The following STS variants were observed in gnomAD, a reference collection of about 807,000 sequenced individuals.
The protein encoded by STS is steroid sulfatase.
Under a neutral mutation model 26.8 loss-of-function variants are expected in STS, and 7 were observed. The observed-to-expected ratio is 0.26, with a 90% CI of 0.15 to 0.49. The LOEUF (loss-of-function observed/expected upper bound fraction) is 0.49. STS is among the 20% of genes least tolerant of loss of function. The pLI, the probability that STS is intolerant of heterozygous loss-of-function variation, is 0.98. For synonymous variants in STS, 199 were observed against 189.4 expected (o/e 1.05, Z -0.42); for missense variants, 434 against 465.6 (o/e 0.93, Z 0.63).
At chrX:7,266,759 G>A (rs768759770) in intron 6 of STS, among the ~76,000 whole-genome samples, 7 of 111,794 alleles carry the variant, frequency 6.3e-5, no homozygotes, top group Non-Finnish European at 1.1e-4. Flanking sequence ...CACAGCTTTC[G>A]GTTTTGCCAT....
At chrX:7,211,520 C>T (rs764999289) in intron 2 of STS, among the ~76,000 whole-genome samples, 93 of 112,062 alleles carry the variant, frequency 8.3e-4, no homozygotes, top group Middle Eastern at 4.6e-3. Flanking sequence ...CAGTTGGTGT[C>T]CAGCATCTCT....
At chrX:7,253,413 A>G in intron 3 of STS, 77 bp downstream of exon 3, 1 of 1,161,868 alleles carries the variant, frequency 8.6e-7, no homozygotes, top group Non-Finnish European at 1.2e-6. Context: ...TTGTTGATCT[A>G]CAGAGCACAG....
intron 2 of STS, among the ~76,000 whole-genome samples, chrX:7,222,191 T>C (rs1424962312): frequency 8.9e-6 from 1 of 111,982 alleles, no homozygotes; most frequent in African/African-American, 3.2e-5. Context: ...CTGTGAGCAA[T>C]ATATTTCTGT....
rs186365950 is a variant in STS at position 7,323,763 on chromosome X, G to A, written c.1082-1576G>A. On this transcript the variant is annotated intron_variant, in intron 8 of 10. Transcript: ENST00000674429. ...AATTAAATGGGTCCTCAAGGTGTTGGCAGGGCTATGTTTCTTGCTGAAAGC... is the reference window on the plus strand; with the variant it reads ...AATTAAATGGGTCCTCAAGGTGTTGACAGGGCTATGTTTCTTGCTGAAAGC... Among the ~76,000 whole-genome samples, 22 of 111,667 alleles carry A rather than the reference G, an allele frequency of 2.0e-4. No individual in the cohort carries two copies. In the East Asian group the frequency reaches 6.2e-3, roughly 32 times the overall value.
chrX:7,234,018 G>T (rs1229819983), intron 2 of STS, among the ~76,000 whole-genome samples: 1 of 111,856 alleles, frequency 8.9e-6, no homozygotes, highest in Non-Finnish European at 1.9e-5. Context: ...CAAATCCCTT[G>T]CTTTTTCTTC....
chrX:7,294,732 C>T (rs1411729476), intron 7 of STS, among the ~76,000 whole-genome samples: 2 of 111,651 alleles, frequency 1.8e-5, no homozygotes, highest in Non-Finnish European at 1.9e-5. Context: ...TGCCCAACAG[C>T]CACTACACTA....
At chrX:7,320,042 ATTATATATAT>A (rs1273407840) in intron 8 of STS, among the ~76,000 whole-genome samples, 3 of 92,819 alleles carry the variant, frequency 3.2e-5, no homozygotes, top group African/African-American at 8.1e-5. Flanking sequence ...ATATTTATAT[ATTATATATAT>A]TTATATATAT....
chrX:7,263,805 ATGTG>A (rs1160626714), intron 6 of STS, among the ~76,000 whole-genome samples: 1 of 97,960 alleles, frequency 1.0e-5, no homozygotes, highest in African/African-American at 3.6e-5. Flanking sequence ...GTGTGTATAT[ATGTG>A]TGTGTGTTTG....
At chrX:7,323,410 G>C (rs1256783200) in intron 8 of STS, among the ~76,000 whole-genome samples, 3 of 110,596 alleles carry the variant, frequency 2.7e-5, no homozygotes, top group African/African-American at 9.9e-5. Flanking sequence ...AGTGTCTACT[G>C]TTGCCAACTT....
Position 7,296,358 on chromosome X carries a change from G to T in STS, c.944-8688G>T, listed in dbSNP as rs1286685315. On this transcript the variant is annotated intron_variant, in intron 7 of 10. Coordinates refer to ENST00000674429, the MANE Select transcript of STS (RefSeq NM_001320752.2). ...ATCTCTATCTTTGCAAGAAGAGAAA[G>T]TCCAGGAAATACAATGGCATTGCTG... 2.7e-5 allele frequency among the ~76,000 whole-genome samples: 3 copies of T among 112,384 alleles called. No individual in the cohort carries two copies. In the South Asian group the frequency reaches 1.1e-3, roughly 41 times the overall value.
intron 2 of STS, among the ~76,000 whole-genome samples, chrX:7,242,651 T>C (rs1189815591): frequency 1.8e-5 from 2 of 111,892 alleles, no homozygotes; most frequent in African/African-American, 6.5e-5. Context: ...TGTGTAGTTT[T>C]ATCTTCAAAA....
At chrX:7,261,372 G>T (rs1166152090) in intron 6 of STS, among the ~76,000 whole-genome samples, 1 of 112,025 alleles carries the variant, frequency 8.9e-6, no homozygotes, top group African/African-American at 3.2e-5. Flanking sequence ...ACAATGAAAA[G>T]GAAGTTATTG....
chrX:7,336,498 C>A (rs1380624704), intron 10 of STS, among the ~76,000 whole-genome samples: 1 of 111,973 alleles, frequency 8.9e-6, no homozygotes, highest in Non-Finnish European at 1.9e-5. Context: ...TTAAGTCTGG[C>A]AGTTTTCTCA....
intron 1 of STS, among the ~76,000 whole-genome samples, chrX:7,171,674 T>C (rs1395236068): frequency 9.0e-6 from 1 of 111,433 alleles, no homozygotes; most frequent in Non-Finnish European, 1.9e-5. Context: ...TTGCGAATTA[T>C]TTTCCAGCAA....
chrX:7,284,706 C>G (rs1234293435), intron 7 of STS, among the ~76,000 whole-genome samples: 1 of 112,042 alleles, frequency 8.9e-6, no homozygotes, highest in Non-Finnish European at 1.9e-5. Flanking sequence ...CCAGACTAGA[C>G]AGCATGATGG....
chrX:7,190,224 A>G (rs1195100135), intron 1 of STS, among the ~76,000 whole-genome samples: 1 of 109,305 alleles, frequency 9.1e-6, no homozygotes, highest in Admixed American at 9.9e-5. Context: ...AGGTGATGGG[A>G]GACAGTGACA....
At chrX:7,345,768 G>A (rs1299983915) in intron 10 of STS, among the ~76,000 whole-genome samples, 1 of 111,717 alleles carries the variant, frequency 9.0e-6, no homozygotes, top group African/African-American at 3.3e-5. Flanking sequence ...GGAGGCCTGC[G>A]TTAGTGAGAC....
intron 8 of STS, among the ~76,000 whole-genome samples, chrX:7,323,792 A>T (rs1927196979): frequency 9.0e-6 from 1 of 111,589 alleles, no homozygotes; most frequent in Admixed American, 9.5e-5. Flanking sequence ...TGAAAGCTCT[A>T]GGGGAGAATC....
intron 10 of STS, among the ~76,000 whole-genome samples, chrX:7,339,028 G>A (rs957523197): frequency 1.8e-5 from 2 of 111,849 alleles, no homozygotes; most frequent in Non-Finnish European, 3.8e-5. Flanking sequence ...AGCTTACCGT[G>A]GTAACATAAA....
Sources: allele counts gnomAD v4.1 joint callset (sites outside exome capture counted in the v4.1 genomes callset), GRCh38; gene constraint gnomAD v4.1.1; transcripts MANE v1.5; gene names NCBI Gene and HGNC (gene_info 2026-07-23, HGNC 2026-07-21).